Variants in MRTFB observed in about 807,000 individuals in gnomAD.
MRTFB encodes myocardin-related transcription factor B.
Under a neutral mutation model 104.2 loss-of-function variants are expected in MRTFB, and 29 were observed. That is an observed-to-expected ratio of 0.28 (90% CI 0.21 to 0.38). The LOEUF (loss-of-function observed/expected upper bound fraction) is 0.38. Ranked by LOEUF, MRTFB falls within the 10% of genes least tolerant of loss-of-function variation. The probability of loss-of-function intolerance (pLI) is 1.00; values close to 1 mark genes in which losing one functional copy is unlikely to be tolerated. For synonymous variants in MRTFB, 535 were observed against 519.5 expected, an observed-to-expected ratio of 1.03 and a Z score of -0.41; for missense variants, 1,270 against 1,341.6, an observed-to-expected ratio of 0.95 and a Z score of 0.83.
rs187451158 is a variant in MRTFB, at chr16:14,174,861, A to G, written c.154+34101A>G. 3.9e-5 allele frequency among the ~76,000 whole-genome samples: 6 copies of G among 152,320 alleles called. No individual in the cohort carries two copies. The East Asian group carries it at 1.2e-3, about 29-fold the overall frequency. ...TCATTGCGTTACACCATCAGTGTGC[A>G]CTGTAGAAATCATTCTTCAGTTATT... On this transcript the variant is annotated intron_variant, in intron 3 of 16. Coordinates refer to ENST00000571589, the MANE Select transcript of MRTFB (RefSeq NM_001308142.2).
At chr16:14,238,577 A>G (rs996452833) in intron 9 of MRTFB, among the ~76,000 whole-genome samples, 5 of 152,168 alleles carry the variant, frequency 3.3e-5, no homozygotes, top group African/African-American at 1.2e-4. Flanking sequence ...ACTGGCTGAG[A>G]GAGGAGATGA....
chr16:14,191,773 G>A (rs2040195017), intron 3 of MRTFB: 1 of 152,068 alleles, frequency 6.6e-6, no homozygotes, highest in South Asian at 2.1e-4. Flanking sequence ...CACTGTTAAG[G>A]TATGTAAGAT....
chr16:14,029,056 T>C, the MRTFB span, among the ~76,000 whole-genome samples: 2 of 151,982 alleles, frequency 1.3e-5, no homozygotes, highest in Non-Finnish European at 1.5e-5. Flanking sequence ...CAGTGGCTCA[T>C]ACCTGTAGTC....
At chr16:14,049,967 A>T in the MRTFB span, among the ~76,000 whole-genome samples, 3 of 152,200 alleles carry the variant, frequency 2.0e-5, no homozygotes, top group East Asian at 5.8e-4. Context: ...TCCTGACCTC[A>T]GGTGATCCAT....
chr16:14,023,377 C>A, the MRTFB span, among the ~76,000 whole-genome samples: 1 of 151,914 alleles, frequency 6.6e-6, no homozygotes, highest in South Asian at 2.1e-4. Context: ...CCCAGGAGGT[C>A]GAGGCTGCAG....
intron 3 of MRTFB, among the ~76,000 whole-genome samples, chr16:14,169,875 C>A (rs2039366374): frequency 6.6e-6 from 1 of 151,948 alleles, no homozygotes; most frequent in South Asian, 2.1e-4. Context: ...AATAAATAAA[C>A]AAAAATTTTT....
chr16:14,017,645 ATATGTGTGTGTGTGTGTGTATT>A, the MRTFB span, among the ~76,000 whole-genome samples: 1 of 53,384 alleles, frequency 1.9e-5, no homozygotes, highest in African/African-American at 6.9e-5. Context: ...ATATATGTAT[ATATGTGTGTGTGTGTGTGTATT>A]TGTGTGTGTG....
the MRTFB span, among the ~76,000 whole-genome samples, chr16:14,030,552 A>G: frequency 6.6e-6 from 1 of 152,216 alleles, no homozygotes; most frequent in Admixed American, 6.5e-5. Flanking sequence ...GCAAGTGTGC[A>G]GGGGGTGTTT....
intron 10 of MRTFB, among the ~76,000 whole-genome samples, chr16:14,244,384 T>A (rs1167024462): frequency 6.6e-6 from 1 of 152,224 alleles, no homozygotes; most frequent in Non-Finnish European, 1.5e-5. Flanking sequence ...ACATGTGTCT[T>A]TCTGTTAGAT....
At chr16:14,048,044 G>A in the MRTFB span, among the ~76,000 whole-genome samples, 1 of 152,190 alleles carries the variant, frequency 6.6e-6, no homozygotes, top group Non-Finnish European at 1.5e-5. Context: ...TAGATACAAT[G>A]GGGGTACAGG....
chr16:14,063,873 C>T, the MRTFB span, among the ~76,000 whole-genome samples: 2 of 152,220 alleles, frequency 1.3e-5, no homozygotes, highest in Non-Finnish European at 2.9e-5. Flanking sequence ...ATCCAGTATA[C>T]TGTTGATGTG....
intron 1 of MRTFB, 24 bp downstream of exon 1, chr16:14,071,389 G>A (rs868316325): frequency 4.7e-4 from 76 of 162,820 alleles, no homozygotes; most frequent in Middle Eastern, 6.0e-3. Context: ...GGTGGCGGCC[G>A]TTGGGGGCTG....
At chr16:14,029,445 T>TATATATAC in the MRTFB span, among the ~76,000 whole-genome samples, 179 of 85,932 alleles carry the variant, frequency 2.1e-3, no homozygotes, top group East Asian at 5.5e-3. Flanking sequence ...TATATATATA[T>TATATATAC]ACACACACAC....
chr16:14,148,437 A>G (rs1445094401), intron 3 of MRTFB, among the ~76,000 whole-genome samples: 1 of 152,194 alleles, frequency 6.6e-6, no homozygotes, highest in African/African-American at 2.4e-5. Flanking sequence ...GATCCATGAC[A>G]ATTTTTCTTT....
chr16:14,015,932 G>A, the MRTFB span: 1 of 398,678 alleles, frequency 2.5e-6, no homozygotes, highest in South Asian at 1.3e-4. Context: ...TGGAGCTTAT[G>A]CATCCAGAGA....
In MRTFB at chr16:14,177,401, G is replaced by T. The variant is rs1310562726; in HGVS notation, c.155-32842G>T. Among the ~76,000 whole-genome samples the T allele has an allele frequency of 5.3e-5, 8 of 152,166 alleles. No individual in the cohort carries two copies. The highest frequency in any genetic ancestry group is 1.7e-4 in the African/African-American group (7 of 41,428). ...TTGTCCAGAGCTGGACCAACCTGAG[G>T]TCTAGGCTAACCCATTACTCCCTGT... On this transcript the variant is annotated intron_variant, in intron 3 of 16. Transcript: ENST00000571589. The surrounding 1 kb of genome is among the most constrained non-coding windows in gnomAD (Gnocchi z 4.7).
the MRTFB span, among the ~76,000 whole-genome samples, chr16:14,019,793 A>G: frequency 2.0e-5 from 3 of 151,698 alleles, no homozygotes; most frequent in Non-Finnish European, 4.4e-5. Flanking sequence ...CCCAAACCAC[A>G]TGTTTGGGTT....
At chr16:14,115,758 AG>A (rs1403956134) in intron 2 of MRTFB, among the ~76,000 whole-genome samples, 1 of 152,210 alleles carries the variant, frequency 6.6e-6, no homozygotes, top group Non-Finnish European at 1.5e-5. Context: ...GTTGGGCCAC[AG>A]GTGAATTATG....
rs1218478784 is a variant in MRTFB, at chr16:14,247,092, A to G, written c.1832A>G (p.Gln611Arg). The change falls in exon 12 of 17, where the codon CAG (glutamine) becomes CGG (arginine). Residue 611 changes from glutamine to arginine, a missense_variant. Gln to Arg is a conservative substitution (Grantham distance 43). Around this residue, in one of 3 missense-constraint regions of MRTFB, gnomAD observed 1,144 missense variants for 1,131.5 expected, o/e 1.01. Coordinates refer to ENST00000571589, the MANE Select transcript of MRTFB (RefSeq NM_001308142.2). ...QLEVEKRGQQ[Q>R]RPLEAQPSAP... Reference sequence around the variant, plus strand: ...GAGGTTGAAAAACGAGGGCAGCAGCAGCGGCCCCTGGAAGCCCAGCCCAGT... The same window carrying G: ...GAGGTTGAAAAACGAGGGCAGCAGCGGCGGCCCCTGGAAGCCCAGCCCAGT... The G allele has an allele frequency of 1.9e-6, 3 of 1,614,196 alleles. No homozygotes were observed. Among genetic ancestry groups the G allele is most frequent in the Non-Finnish European group, 2.5e-6 (3 of 1,180,038 alleles).
Sources: gnomAD v4.1 joint callset for allele counts (sites outside exome capture counted in the v4.1 genomes callset) on GRCh38, gnomAD v4.1.1 for gene constraint, gnomAD v4.1.1 regional missense constraint, Gnocchi (gnomAD v3.1) non-coding constraint, MANE v1.5 for transcripts, NCBI Gene and HGNC (gene_info 2026-07-23, HGNC 2026-07-21) for gene names.